Variants in THNSL1 observed in about 807,000 individuals in gnomAD.
THNSL1 encodes threonine synthase like 1.
THNSL1 carries 48 observed loss-of-function variants against 50.4 expected under a neutral mutation model. The observed-to-expected ratio is 0.95, with a 90% CI of 0.76 to 1.21. The LOEUF (loss-of-function observed/expected upper bound fraction) is 1.21, where lower values mean the gene tolerates loss of function less well. THNSL1 is among the 50% of genes most tolerant of loss of function. The pLI is 0.00. For missense variants in THNSL1, 896 were observed against 871.7 expected, an observed-to-expected ratio of 1.03 and a Z score of -0.35; for synonymous variants, 309 against 306.1, an observed-to-expected ratio of 1.01 and a Z score of -0.10.
At chr10:24,990,181 A>G in the THNSL1 span, among the ~76,000 whole-genome samples, 5 of 152,206 alleles carry the variant, frequency 3.3e-5, no homozygotes, top group African/African-American at 7.2e-5. Context: ...CATTTCATGC[A>G]TGTTCGTTGT....
At chr10:25,003,300 G>A in the THNSL1 span, among the ~76,000 whole-genome samples, 2 of 152,184 alleles carry the variant, frequency 1.3e-5, no homozygotes, top group African/African-American at 2.4e-5. Flanking sequence ...TCTGTCTCCT[G>A]GGTTCAAATG....
At chr10:25,002,204 C>T in the THNSL1 span, among the ~76,000 whole-genome samples, 8 of 152,324 alleles carry the variant, frequency 5.3e-5, no homozygotes, top group Non-Finnish European at 1.0e-4. Context: ...GGTGGGAACA[C>T]GAACTTTACC....
the THNSL1 span, among the ~76,000 whole-genome samples, chr10:24,991,339 C>T: frequency 3.0e-3 from 462 of 152,110 alleles, 1 homozygote; most frequent in Admixed American, 6.3e-3. Flanking sequence ...GTCTCTTTTT[C>T]GTGGTCTCGT....
Position 25,025,355 on chromosome 10 carries a change from GAACAAA to G in THNSL1, c.2134_2139del (p.Thr712_Lys713del). ...CCACTGCATGAGGCTTTATTAGAGA[GAACAAA>G]ACAGCAAGAGAAGATGGAGTACCAG... On this transcript the variant is annotated inframe_deletion, in exon 3 of 3. Coordinates refer to ENST00000376356, the MANE Select transcript of THNSL1 (RefSeq NM_024838.5). The G allele has an allele frequency of 6.2e-7, 1 of 1,614,144 alleles. No individual in the cohort carries two copies. Among genetic ancestry groups the G allele is most frequent in the Non-Finnish European group, 8.5e-7 (1 of 1,180,010 alleles).
At chr10:24,972,789 A>G in the THNSL1 span, among the ~76,000 whole-genome samples, 2 of 152,190 alleles carry the variant, frequency 1.3e-5, no homozygotes. Context: ...ATGGACACTG[A>G]CAATTGTGAG....
rs773282612 is a variant in THNSL1, at chr10:25,024,513, A to C, written c.1290A>C (p.Ala430=). Residue 430 remains alanine (A), a synonymous_variant, in exon 3 of 3, where the codon GCA becomes GCC. Transcript: ENST00000376356. ...GCAGTCAGAGAGAAAATGGATGGGC[A>C]GTGGGTGTTGAGTCAGATTTTGATT... is the stretch of plus-strand genomic sequence containing the variant. The part of the protein sequence containing the change: ...IIGSQRENGW[A]VGVESDFDFC... 3.7e-6 allele frequency: 6 copies of C among 1,614,234 alleles called. No individual in the cohort carries two copies. Among genetic ancestry groups the C allele is most frequent in the Non-Finnish European group, 4.2e-6 (5 of 1,180,022 alleles).
At chr10:24,973,013 C>T in the THNSL1 span, among the ~76,000 whole-genome samples, 7 of 152,194 alleles carry the variant, frequency 4.6e-5, no homozygotes, top group South Asian at 1.0e-3. Flanking sequence ...TGAGCAGCCA[C>T]TAATAATAAA....
chr10:24,954,089 A>G, the THNSL1 span, among the ~76,000 whole-genome samples: 1 of 152,302 alleles, frequency 6.6e-6, no homozygotes, highest in Non-Finnish European at 1.5e-5. Context: ...CCCCAAAGTC[A>G]AGCACCATCT....
At chr10:24,980,542 C>G in the THNSL1 span, among the ~76,000 whole-genome samples, 5 of 152,106 alleles carry the variant, frequency 3.3e-5, no homozygotes, top group African/African-American at 1.2e-4. Flanking sequence ...CCCAACATAG[C>G]TGTTTTGTTC....
chr10:24,972,520 AT>A, the THNSL1 span, among the ~76,000 whole-genome samples: 102 of 144,960 alleles, frequency 7.0e-4, no homozygotes, highest in Admixed American at 1.7e-3. Flanking sequence ...AAAAAAAAAA[AT>A]AAATAATAAT....
At chr10:24,998,674 T>C in the THNSL1 span, among the ~76,000 whole-genome samples, 1 of 152,110 alleles carries the variant, frequency 6.6e-6, no homozygotes, top group Non-Finnish European at 1.5e-5. Context: ...TACATACCTG[T>C]CACACATCAC....
chr10:25,013,120 C>T (rs1462541263), upstream of THNSL1, among the ~76,000 whole-genome samples: 3 of 152,176 alleles, frequency 2.0e-5, no homozygotes, highest in Non-Finnish European at 4.4e-5. Flanking sequence ...CTTTGCTCCG[C>T]CTTTGCCTTC....
At chr10:24,957,265 T>A in the THNSL1 span, among the ~76,000 whole-genome samples, 8 of 152,226 alleles carry the variant, frequency 5.3e-5, no homozygotes. Context: ...ATTTGCCTTT[T>A]GTTTCTGGCT....
At chr10:24,995,563 AATG>A in the THNSL1 span, 1 of 1,211,966 alleles carries the variant, frequency 8.3e-7, no homozygotes, top group Non-Finnish European at 1.2e-6. Flanking sequence ...GAGCACTAAT[AATG>A]ATAACATAGA....
At chr10:24,973,966 C>A in the THNSL1 span, among the ~76,000 whole-genome samples, 1 of 152,126 alleles carries the variant, frequency 6.6e-6, no homozygotes, top group Non-Finnish European at 1.5e-5. Flanking sequence ...TTTCGCCAGG[C>A]TGGACTCAAA....
chr10:24,988,531 T>G, the THNSL1 span, among the ~76,000 whole-genome samples: 1 of 147,316 alleles, frequency 6.8e-6, no homozygotes, highest in Middle Eastern at 3.3e-3. Context: ...GAACTACGGA[T>G]CTATGTACAT....
upstream of THNSL1, among the ~76,000 whole-genome samples, chr10:25,012,347 C>T (rs1051501989): frequency 2.6e-5 from 4 of 152,314 alleles, no homozygotes; most frequent in Admixed American, 6.5e-5. Context: ...GAGAAGAGGG[C>T]CACTGTTCTC....
the THNSL1 span, among the ~76,000 whole-genome samples, chr10:24,957,515 CT>C: frequency 6.6e-6 from 1 of 152,082 alleles, no homozygotes; most frequent in Non-Finnish European, 1.5e-5. Flanking sequence ...GAGTCTTGCT[CT>C]GTTGCCCAGG....
chr10:25,002,891 C>T, the THNSL1 span, among the ~76,000 whole-genome samples: 1 of 151,438 alleles, frequency 6.6e-6, no homozygotes, highest in Non-Finnish European at 1.5e-5. Context: ...CAGATATGGT[C>T]TCGTGATTAA....
Sources: allele counts gnomAD v4.1 joint callset (sites outside exome capture counted in the v4.1 genomes callset), GRCh38; gene constraint gnomAD v4.1.1; transcripts MANE v1.5; gene names NCBI Gene and HGNC (gene_info 2026-07-23, HGNC 2026-07-21).